ANO6: variants seen among roughly 807,000 people sequenced by gnomAD.
ANO6 encodes anoctamin 6.
In ANO6, 106 loss-of-function variants were observed where a neutral mutation model predicts 117.5. The ratio of observed to expected loss-of-function variants is 0.90; its 90% confidence interval spans 0.77 to 1.06. ANO6 has a LOEUF of 1.06. ANO6 is among the 50% of genes least tolerant of loss of function. The probability of loss-of-function intolerance (pLI) is 0.00; values close to 1 mark genes in which losing one functional copy is unlikely to be tolerated. For synonymous variants in ANO6, 367 were observed against 385.1 expected (o/e 0.95, Z 0.55); for missense variants, 955 against 1,121.1 (o/e 0.85, Z 2.12).
At chr12:45,367,947 C>A (rs1301945245) in intron 9 of ANO6, among the ~76,000 whole-genome samples, 154 bp downstream of exon 9, 1 of 152,058 alleles carries the variant, frequency 6.6e-6, no homozygotes. Flanking sequence ...ATATACAATG[C>A]TTTATTCCTC....
intron 18 of ANO6, among the ~76,000 whole-genome samples, chr12:45,422,702 T>C (rs1015007536): frequency 6.6e-6 from 1 of 151,772 alleles, no homozygotes; most frequent in African/African-American, 2.4e-5. Flanking sequence ...AGCCACCAAA[T>C]AGCTGCGATT....
At chr12:45,371,789 T>G (rs979776602) in intron 9 of ANO6, among the ~76,000 whole-genome samples, 3 of 152,198 alleles carry the variant, frequency 2.0e-5, no homozygotes, top group African/African-American at 7.2e-5. Context: ...CTGGAAACTC[T>G]AAAAAGCAGA....
In ANO6 at chr12:45,348,518, G is replaced by A; in HGVS notation, c.634G>A (p.Val212Ile). 1.2e-6 allele frequency: 2 copies of A among 1,612,658 alleles called. No homozygotes were observed. The highest frequency in any genetic ancestry group is 2.2e-5 in the South Asian group (2 of 91,056). Reference protein sequence around the residue: ...FFNPATRSRIVYFILSRVKYQ... With the variant: ...FFNPATRSRIIYFILSRVKYQ... Reference sequence around the variant, plus strand: ...ATACTCTATTTTGGAATCTTTTTAGGTTTACTTCATCCTCTCTCGGGTCAA... The same window carrying A: ...ATACTCTATTTTGGAATCTTTTTAGATTTACTTCATCCTCTCTCGGGTCAA... Residue 212 changes from valine (V) to isoleucine (I), a missense_variant and splice_region_variant, in exon 6 of 20, where the codon GTT becomes ATT. Coordinates refer to ENST00000320560, the MANE Select transcript of ANO6 (RefSeq NM_001025356.3).
chr12:45,332,293 TTCTC>T (rs375083537), intron 3 of ANO6, among the ~76,000 whole-genome samples: 61 of 148,850 alleles, frequency 4.1e-4, no homozygotes, highest in Admixed American at 8.0e-4. Context: ...TCTCTCTCTG[TTCTC>T]TCTCTCTCTC....
rs553428199 is a variant in ANO6 at position 45,394,156 on chromosome 12, C to T, written c.1386+3658C>T. On this transcript the variant is annotated intron_variant, in intron 12 of 19. Transcript: ENST00000320560. ...AAATAAAGGGATGGAGGAAGATCTACCAAGCAAATGGAAAGCAAAAAAAAG... is the reference window on the plus strand; with the variant it reads ...AAATAAAGGGATGGAGGAAGATCTATCAAGCAAATGGAAAGCAAAAAAAAG... Among the ~76,000 whole-genome samples the T allele has an allele frequency of 4.8e-4, 73 of 152,086 alleles. 1 individual carries two copies. Among genetic ancestry groups the T allele is most frequent in the African/African-American group, 1.8e-3 (73 of 41,460 alleles).
In ANO6 at chr12:45,394,193, A is replaced by G. The variant is rs182275725; in HGVS notation, c.1386+3695A>G. 7.2e-5 allele frequency among the ~76,000 whole-genome samples: 11 copies of G among 152,330 alleles called. No individual in the cohort carries two copies. The East Asian group carries it at 2.1e-3, about 29-fold the overall frequency. ...AAAGCAAAAAAAAGCAGGGGTTGCA[A>G]TCCTAGTCTCTCATAAAGCAGACTT... On this transcript the variant is annotated intron_variant, in intron 12 of 19. Coordinates refer to ENST00000320560, the MANE Select transcript of ANO6 (RefSeq NM_001025356.3).
At chr12:45,377,063 G>A (rs377405562) in intron 9 of ANO6, among the ~76,000 whole-genome samples, 2 of 151,746 alleles carry the variant, frequency 1.3e-5, no homozygotes, top group South Asian at 4.2e-4. Flanking sequence ...ACATGAGTAT[G>A]AAGAGCAACC....
chr12:45,221,868 C>T (rs1017070590), intron 1 of ANO6, among the ~76,000 whole-genome samples: 2 of 150,558 alleles, frequency 1.3e-5, no homozygotes, highest in African/African-American at 4.9e-5. Flanking sequence ...CATTCTCCCT[C>T]CCCGACTCCT....
chr12:45,368,190 T>G (rs1368635607), intron 9 of ANO6, among the ~76,000 whole-genome samples: 1 of 152,224 alleles, frequency 6.6e-6, no homozygotes, highest in African/African-American at 2.4e-5. Flanking sequence ...AATATTTGCC[T>G]TAGACTTACG....
At chr12:45,337,235 A>G (rs1315452961) in intron 3 of ANO6, among the ~76,000 whole-genome samples, 1 of 152,088 alleles carries the variant, frequency 6.6e-6, no homozygotes, top group African/African-American at 2.4e-5. Flanking sequence ...TGCAAGCTCC[A>G]TTCATGATAA....
At chr12:45,267,824 G>A (rs564846431) in intron 1 of ANO6, among the ~76,000 whole-genome samples, 2 of 152,228 alleles carry the variant, frequency 1.3e-5, no homozygotes, top group East Asian at 3.9e-4. Context: ...TGTAAATTAT[G>A]TATGAAGAGG....
At chr12:45,352,576 A>T (rs1941307413) in intron 7 of ANO6, among the ~76,000 whole-genome samples, 1 of 150,916 alleles carries the variant, frequency 6.6e-6, no homozygotes, top group Non-Finnish European at 1.5e-5. Flanking sequence ...AAAAAAAAAA[A>T]AAAAAAGCCA....
At chr12:45,315,622 T>C (rs887001300) in intron 2 of ANO6, among the ~76,000 whole-genome samples, 6 of 152,092 alleles carry the variant, frequency 3.9e-5, no homozygotes, top group Admixed American at 3.9e-4. Context: ...GCTTCCATGA[T>C]GAGCTCTGTG....
chr12:45,285,500 T>C (rs1348329479), intron 1 of ANO6, among the ~76,000 whole-genome samples: 1 of 152,042 alleles, frequency 6.6e-6, no homozygotes, highest in East Asian at 1.9e-4. Flanking sequence ...TCCCAGCACT[T>C]TGGGAGGCTG....
intron 8 of ANO6, among the ~76,000 whole-genome samples, chr12:45,364,947 TTTA>T (rs1331671800): frequency 6.6e-6 from 1 of 152,232 alleles, no homozygotes; most frequent in Non-Finnish European, 1.5e-5. Context: ...GTTGCTTCCG[TTTA>T]TTATTATCAC....
chr12:45,429,950 G>A lies in ANO6; in HGVS notation c.*639G>A, dbSNP rs1943595017. The A allele has an allele frequency of 4.0e-6, 4 of 987,720 alleles. No homozygotes were observed. In the African/African-American group the frequency reaches 5.2e-5, roughly 13 times the overall value. The allele number at this position is 987,720 out of a possible 1,614,324, so 61.2% of individuals were successfully genotyped here. A position where few individuals can be genotyped will look rare whatever the true frequency, so the allele number is the denominator to read the frequency against. On this transcript the variant is annotated 3_prime_UTR_variant, in exon 20 of 20. Coordinates refer to ENST00000320560, the MANE Select transcript of ANO6 (RefSeq NM_001025356.3). ...TAGTAGGTTGGAGTGAAGATAGCAA[G>A]GTTTTGAAGCATATTTGTCCTAATC... is the stretch of plus-strand genomic sequence containing the variant.
intron 1 of ANO6, among the ~76,000 whole-genome samples, chr12:45,240,107 A>G (rs866863110): frequency 5.9e-5 from 9 of 152,088 alleles, no homozygotes; most frequent in Admixed American, 1.3e-4. Context: ...TGATCTGTCT[A>G]ATATTGACAG....
chr12:45,223,155 A>T (rs1167710619), intron 1 of ANO6, among the ~76,000 whole-genome samples: 1 of 152,244 alleles, frequency 6.6e-6, no homozygotes, highest in Non-Finnish European at 1.5e-5. Context: ...CCAAGCCACT[A>T]CAGCAAATTA....
chr12:45,235,702 T>C (rs1947634990), intron 1 of ANO6, among the ~76,000 whole-genome samples: 1 of 152,094 alleles, frequency 6.6e-6, no homozygotes, highest in Non-Finnish European at 1.5e-5. Flanking sequence ...AAAAACAGCT[T>C]CAAGAAAAGT....
Sources: allele counts gnomAD v4.1 joint callset (sites outside exome capture counted in the v4.1 genomes callset), GRCh38; gene constraint gnomAD v4.1.1; transcripts MANE v1.5; gene names NCBI Gene and HGNC (gene_info 2026-07-23, HGNC 2026-07-21).